DDX31: variants seen among roughly 807,000 people sequenced by gnomAD.
DDX31 encodes the protein ATP-dependent DNA helicase DDX31.
Under a neutral mutation model 91.3 loss-of-function variants are expected in DDX31, and 70 were observed. The ratio of observed to expected loss-of-function variants is 0.77; its 90% CI spans 0.63 to 0.94. The LOEUF is 0.94. Among genes scored for constraint, DDX31 ranks in the 40% least tolerant of loss-of-function variants. DDX31 has a pLI of 0.00. For missense variants in DDX31, 902 were observed against 925.0 expected (o/e 0.98, Z 0.32); for synonymous variants, 362 against 350.6 (o/e 1.03, Z -0.36).
chr9:132,614,079 T>A (rs1290022407), intron 18 of DDX31, among the ~76,000 whole-genome samples: 1 of 152,194 alleles, frequency 6.6e-6, no homozygotes, highest in East Asian at 1.9e-4. Context: ...CTGGCAAGTT[T>A]GCCCACAGCT....
At chr9:132,646,504 T>C (rs1270683911) in intron 12 of DDX31, among the ~76,000 whole-genome samples, 1 of 152,148 alleles carries the variant, frequency 6.6e-6, no homozygotes, top group Non-Finnish European at 1.5e-5. Flanking sequence ...CCAAGACTCT[T>C]GGAGAAACAT....
chr9:132,639,149 A>C (rs10901195), intron 14 of DDX31, among the ~76,000 whole-genome samples: 12,776 of 152,108 alleles, frequency 0.084, 709 homozygotes, highest in Admixed American at 0.16. Flanking sequence ...CCCAGGCATG[A>C]TCTATTACAG....
At chr9:132,653,687 C>T (rs548953565) in intron 6 of DDX31, among the ~76,000 whole-genome samples, 63 of 151,986 alleles carry the variant, frequency 4.1e-4, no homozygotes, top group African/African-American at 1.4e-3. Flanking sequence ...GAAGGATACA[C>T]CCTATTTCCA....
intron 16 of DDX31, among the ~76,000 whole-genome samples, chr9:132,627,238 A>C (rs1832452512): frequency 6.6e-6 from 1 of 152,228 alleles, no homozygotes; most frequent in African/African-American, 2.4e-5. Flanking sequence ...CAGAACAGTA[A>C]GGCAGTGTTC....
intron 6 of DDX31, among the ~76,000 whole-genome samples, chr9:132,657,928 C>T (rs1021110376): frequency 6.6e-6 from 1 of 152,212 alleles, no homozygotes; most frequent in Non-Finnish European, 1.5e-5. Flanking sequence ...AACATTTCAG[C>T]TAAATGGCTG....
rs768393782 is a variant in DDX31, at chr9:132,645,906, T to C, written c.1369A>G (p.Met457Val). 80 of 1,612,856 alleles carry C rather than the reference T, an allele frequency of 5.0e-5. 1 individual carries two copies. In the South Asian group the frequency reaches 7.2e-4, roughly 14 times the overall value. ...AGATCAGTGCTCACCTCCTGCTCCA[T>C]GCCGCCATGCAGCCGTAGGAATTTT... The part of the protein sequence containing the change: ...RLKFLRLHGG[M>V]EQEERTAVFQ... Residue 457 changes from methionine (M) to valine (V), a missense_variant, in exon 13 of 20, where the codon ATG (methionine) becomes GTG (valine). By Grantham distance (21) the Met-to-Val change is conservative. Transcript: ENST00000372159.
rs747739580 is a variant in DDX31 at position 132,630,364 on chromosome 9, T to C, written c.1531A>G (p.Ile511Val). ...CAGCCAATCCGGGCGGTTCTTCCAA[T>C]CCGGTGGATGTATTCTGCAGGTGAA... ...PSSPAEYIHR[I>V]GRTARIGCHG... Residue 511 changes from isoleucine (I) to valine (V), a missense_variant, in exon 16 of 20, where the codon ATT becomes GTT. Transcript: ENST00000372159. 1.9e-6 allele frequency: 3 copies of C among 1,604,438 alleles called. No homozygotes were observed. Among genetic ancestry groups the C allele is most frequent in the South Asian group, 1.1e-5 (1 of 90,476 alleles).
chr9:132,638,164 GA>G, intron 14 of DDX31: 46 of 1,389,758 alleles, frequency 3.3e-5, no homozygotes, highest in Middle Eastern at 2.1e-4. Context: ...TCCTTTCTGG[GA>G]AAAAGGTGAC....
rs768178005 is a variant in DDX31, at chr9:132,658,659, T to G, written c.588+12A>C. The G allele has an allele frequency of 1.4e-4, 230 of 1,612,212 alleles. No homozygotes were observed. Among genetic ancestry groups the G allele is most frequent in the Non-Finnish European group, 1.9e-4 (226 of 1,178,936 alleles). ...CTATGAGCAATGACAGAAAAACACA[T>G]TTGATACACACCTGTATTTTTGACT... On this transcript the variant is annotated intron_variant, in intron 6 of 19. Coordinates refer to ENST00000372159, the MANE Select transcript of DDX31 (RefSeq NM_022779.9).
chr9:132,667,285 T>C (rs901104424), intron 1 of DDX31, among the ~76,000 whole-genome samples: 1 of 152,104 alleles, frequency 6.6e-6, no homozygotes, highest in Non-Finnish European at 1.5e-5. Flanking sequence ...AGCATATCCA[T>C]CATTCTCATT....
At chr9:132,628,610 G>C (rs1323890792) in intron 16 of DDX31, among the ~76,000 whole-genome samples, 2 of 152,196 alleles carry the variant, frequency 1.3e-5, no homozygotes, top group Non-Finnish European at 2.9e-5. Context: ...GCAGAGAGAG[G>C]CACCTCTGCT....
At chr9:132,659,664 A>G (rs1273349479) in intron 5 of DDX31, 46 bp downstream of exon 5, 1 of 1,571,966 alleles carries the variant, frequency 6.4e-7, no homozygotes, top group Admixed American at 1.8e-5. Flanking sequence ...GTGCATGACC[A>G]TGGGCCTGAG....
intron 11 of DDX31, 132 bp from the exon 12 acceptor site, chr9:132,647,190 C>G: frequency 1.3e-6 from 1 of 756,404 alleles, no homozygotes. Flanking sequence ...ATCACCAAGT[C>G]CCAGCACTGA....
In DDX31 at chr9:132,650,274, C is replaced by T. The variant is rs1238186195; in HGVS notation, c.700G>A (p.Val234Met). 1 of 1,614,182 alleles carries T rather than the reference C, an allele frequency of 6.2e-7. No individual in the cohort carries two copies. Among genetic ancestry groups the T allele is most frequent in the Non-Finnish European group, 8.5e-7 (1 of 1,180,008 alleles). ...LKPFTWIVPG[V>M]LMGGEKRKSE... ...TTTCTCTTCTCTCCTCCCATTAACACTCCAGGCACAATCCAGGTGAAAGGC... is the reference window on the plus strand; with the variant it reads ...TTTCTCTTCTCTCCTCCCATTAACATTCCAGGCACAATCCAGGTGAAAGGC... The change falls in exon 9 of 20, where the codon GTG (valine) becomes ATG (methionine). Residue 234 changes from valine (V) to methionine (M), a missense_variant. Val to Met is a conservative substitution (Grantham distance 21). Transcript: ENST00000372159.
In DDX31 at chr9:132,651,161, T is replaced by C. The variant is rs573718955; in HGVS notation, c.634-45A>G. 1.4e-4 allele frequency: 176 copies of C among 1,277,850 alleles called. No homozygotes were observed. In the African/African-American group the frequency reaches 1.7e-3, roughly 13 times the overall value. 79.2% of individuals were successfully genotyped at this position (1,277,850 alleles called of 1,614,324 possible). A position where few individuals can be genotyped will look rare whatever the true frequency, so the allele number is the denominator to read the frequency against. The stretch of plus-strand genomic sequence containing the variant: ...TATAGATGATGAACAGGATCCCCCT[T>C]TTTTTTTTTTTAAAGACAATTTAAT... On this transcript the variant is annotated intron_variant, in intron 7 of 19. Transcript: ENST00000372159.
chr9:132,614,619 T>G (rs1478836592), intron 18 of DDX31, among the ~76,000 whole-genome samples: 2 of 152,182 alleles, frequency 1.3e-5, no homozygotes, highest in African/African-American at 2.4e-5. Flanking sequence ...CTCTCTTCTG[T>G]GTATGCAGAT....
In DDX31 at chr9:132,603,885, G is replaced by A. The variant is rs1022437098; in HGVS notation, c.1994+8202C>T. Among the ~76,000 whole-genome samples the A allele has an allele frequency of 8.5e-5, 13 of 152,210 alleles. No individual in the cohort carries two copies. In the East Asian group the frequency reaches 9.7e-4, roughly 11 times the overall value. On this transcript the variant is annotated intron_variant, in intron 19 of 19. Transcript: ENST00000372159. Reference sequence around the variant, plus strand: ...AGGGTCACTGTGAAATCCTCTAATCGCCTCATTAGCAGGGTGGGGAGGAGG... The same window carrying A: ...AGGGTCACTGTGAAATCCTCTAATCACCTCATTAGCAGGGTGGGGAGGAGG...
At chr9:132,663,207 G>C in intron 1 of DDX31, 2 of 1,289,280 alleles carry the variant, frequency 1.6e-6, no homozygotes, top group Non-Finnish European at 2.0e-6. Flanking sequence ...CCCAGGAAGC[G>C]GAAACATTCA....
intron 19 of DDX31, 95 bp downstream of exon 19, chr9:132,611,992 G>A (rs1336398999): frequency 1.3e-6 from 2 of 1,482,654 alleles, no homozygotes; most frequent in Admixed American, 3.9e-5. Context: ...AGGTATGAGT[G>A]AGAAGAGAGT....
Sources: gnomAD v4.1 joint callset for allele counts (sites outside exome capture counted in the v4.1 genomes callset) on GRCh38, gnomAD v4.1.1 for gene constraint, MANE v1.5 for transcripts, NCBI Gene and HGNC (gene_info 2026-07-23, HGNC 2026-07-21) for gene names.